The following MCM3AP variants were observed in gnomAD, a reference collection of about 807,000 sequenced individuals.
The protein encoded by MCM3AP is minichromosome maintenance complex component 3 associated protein.
In MCM3AP, 126 loss-of-function variants were observed where a neutral mutation model predicts 184.1. The observed-to-expected ratio is 0.68, with a 90% confidence interval of 0.59 to 0.79. MCM3AP has a LOEUF of 0.79. Among genes scored for constraint, MCM3AP ranks in the 30% least tolerant of loss-of-function variants. The probability of loss-of-function intolerance (pLI) is 0.00; values close to 1 mark genes in which losing one functional copy is unlikely to be tolerated. For synonymous variants in MCM3AP, 1,002 were observed against 979.3 expected (o/e 1.02, Z -0.43); for missense variants, 2,496 against 2,479.2 (o/e 1.01, Z -0.14).
At chr21:46,247,070 A>C in intron 20 of MCM3AP, 184 bp from the exon 21 acceptor site, 1 of 568,616 alleles carries the variant, frequency 1.8e-6, no homozygotes, top group Non-Finnish European at 3.1e-6. Flanking sequence ...AGTTATTTTA[A>C]TTCCTGGCCC....
rs770570276 is a variant in MCM3AP at position 46,285,106 on chromosome 21, A to G, written c.181T>C (p.Ser61Pro). 1 of 1,614,226 alleles carries G rather than the reference A, an allele frequency of 6.2e-7. No individual in the cohort carries two copies. Among genetic ancestry groups the G allele is most frequent in the Non-Finnish European group, 8.5e-7 (1 of 1,180,034 alleles). ...GAAGAGGAATGACTTACTCCAGAAG[A>G]CGCTGGAAAGCTGGATACCTGTGAA... ...GFSQVSSFPA[S>P]SGVSHSSSVQ... is the part of the protein sequence containing the mutation. The change falls in exon 1 of 28, where the codon TCT (serine) becomes CCT (proline). Residue 61 changes from serine (S) to proline (P), a missense_variant. Physicochemically the swap from Ser to Pro is moderately conservative, Grantham distance 74. Around this residue, in one of 5 missense-constraint regions of MCM3AP, gnomAD observed 800 missense variants for 717.1 expected, o/e 1.12. Coordinates refer to ENST00000291688, the MANE Select transcript of MCM3AP (RefSeq NM_003906.5).
Position 46,246,636 on chromosome 21 carries a change from ACTTC to A in MCM3AP, c.4537_4540del (p.Glu1513Ter). The A allele has an allele frequency of 6.2e-7, 1 of 1,610,474 alleles. No homozygotes were observed. Among genetic ancestry groups the A allele is most frequent in the Non-Finnish European group, 8.5e-7 (1 of 1,176,864 alleles). On this transcript the variant is annotated frameshift_variant, in exon 21 of 28. Transcript: ENST00000291688. LOFTEE classifies it high-confidence loss of function. ...AGACTTCCTTCACAAACCATCTTCT[ACTTC>A]CTTCTCAACGGCGTCCCCTCCTGGG...
intron 4 of MCM3AP, among the ~76,000 whole-genome samples, chr21:46,278,087 G>T (rs2145709898): frequency 6.6e-6 from 1 of 151,978 alleles, no homozygotes; most frequent in East Asian, 1.9e-4. Context: ...GCAGGCAGAG[G>T]TTGCAGTGAG....
At chr21:46,250,838 G>A (rs2080856893) in intron 20 of MCM3AP, 1 of 152,248 alleles carries the variant, frequency 6.6e-6, no homozygotes, top group East Asian at 1.9e-4. Flanking sequence ...GGAGTAATTA[G>A]TTATTTAGGA....
At chr21:46,279,370 T>C (rs2145713698) in intron 4 of MCM3AP, among the ~76,000 whole-genome samples, 1 of 152,324 alleles carries the variant, frequency 6.6e-6, no homozygotes, top group Admixed American at 6.5e-5. Context: ...ATATGTCAAG[T>C]GGAACTGCAC....
At chr21:46,283,324 T>G (rs1240839878) in intron 2 of MCM3AP, among the ~76,000 whole-genome samples, 1 of 152,236 alleles carries the variant, frequency 6.6e-6, no homozygotes, top group Non-Finnish European at 1.5e-5. Context: ...CCAAAAGTAC[T>G]ATGTGGTTAG....
chr21:46,238,083 G>A (rs139467457), intron 26 of MCM3AP, among the ~76,000 whole-genome samples: 1,449 of 81,412 alleles, frequency 0.018, 357 homozygotes, highest in African/African-American at 0.074. Context: ...AGGGCAACAA[G>A]AGCAAAACTC....
At chr21:46,270,213 G>T in intron 9 of MCM3AP, 188 bp downstream of exon 9, 1 of 496,608 alleles carries the variant, frequency 2.0e-6, no homozygotes, top group Non-Finnish European at 3.5e-6. Context: ...AGCCTTTCCG[G>T]ATGGTGACCA....
Position 46,279,752 on chromosome 21 carries a change from T to TA in MCM3AP, c.1667+240dup, listed in dbSNP as rs143538199. Among the ~76,000 whole-genome samples, 261 of 152,306 alleles carry TA rather than the reference T, an allele frequency of 1.7e-3. 3 individuals carry two copies. In the East Asian group the frequency reaches 0.044, roughly 26 times the overall value. ...CTCCACCATCTCTGCAGCTGGCAGTTACCAGTGTCAGAAAATTCTCTCTTC... is the reference window on the plus strand; with the variant it reads ...CTCCACCATCTCTGCAGCTGGCAGTTAACCAGTGTCAGAAAATTCTCTCTTC... On this transcript the variant is annotated intron_variant, in intron 4 of 27. Coordinates refer to ENST00000291688, the MANE Select transcript of MCM3AP (RefSeq NM_003906.5).
intron 19 of MCM3AP, chr21:46,252,338 C>G (rs1288454733): frequency 6.6e-6 from 1 of 152,150 alleles, no homozygotes; most frequent in African/African-American, 2.4e-5. Context: ...ATACCTGAGA[C>G]CTTAAGAATT....
chr21:46,251,033 T>G (rs1219859322), intron 20 of MCM3AP: 2 of 152,262 alleles, frequency 1.3e-5, no homozygotes, highest in Non-Finnish European at 2.9e-5. Context: ...GTGGCATTAT[T>G]TGACTTCTTT....
Position 46,284,884 on chromosome 21 carries a change from C to CT in MCM3AP, c.402dup (p.Val135SerfsTer13). ...TCTGTTTTCCCAAAACCAGAGTTCA[C>CT]TATTTCTCCAGCTTCTTGTCCAAAA... is the stretch of plus-strand genomic sequence containing the variant. On this transcript the variant is annotated frameshift_variant, in exon 1 of 28. Coordinates refer to ENST00000291688, the MANE Select transcript of MCM3AP (RefSeq NM_003906.5). LOFTEE classifies it high-confidence loss of function. The CT allele has an allele frequency of 1.2e-6, 2 of 1,614,090 alleles. No homozygotes were observed. The highest frequency in any genetic ancestry group is 1.7e-6 in the Non-Finnish European group (2 of 1,180,052).
chr21:46,251,293 A>T (rs894117116), intron 20 of MCM3AP: 11 of 373,846 alleles, frequency 2.9e-5, no homozygotes, highest in African/African-American at 2.2e-4. Flanking sequence ...AATATATAGT[A>T]TTAAAACAGA....
intron 24 of MCM3AP, 21 bp from the exon 25 acceptor site, chr21:46,242,952 CAG>C: frequency 6.5e-7 from 1 of 1,549,646 alleles, no homozygotes; most frequent in Non-Finnish European, 8.7e-7. Flanking sequence ...AATACAAAAA[CAG>C]ATAAAGAGGC....
In MCM3AP at chr21:46,243,838, C is replaced by T. The variant is rs1290842739; in HGVS notation, c.5039-116G>A. On this transcript the variant is annotated intron_variant, in intron 23 of 27. Transcript: ENST00000291688. ...GAAGTTGAGAAGTCTGCTTTCTAAA[C>T]ACAGCAGAACCACAGTTGTTGAGGG... 44 of 1,014,914 alleles carry T rather than the reference C, an allele frequency of 4.3e-5. No individual in the cohort carries two copies. The East Asian group carries it at 1.1e-3, about 24-fold the overall frequency. 62.9% of individuals were successfully genotyped at this position (1,014,914 alleles called of 1,614,324 possible).
intron 20 of MCM3AP, among the ~76,000 whole-genome samples, chr21:46,248,143 T>C (rs570384498): frequency 3.3e-5 from 5 of 152,154 alleles, no homozygotes; most frequent in Admixed American, 6.5e-5. Context: ...GCAAAAGCCC[T>C]GTATACCCAG....
intron 4 of MCM3AP, 56 bp downstream of exon 4, chr21:46,279,937 A>G (rs1466548619): frequency 1.9e-6 from 3 of 1,544,706 alleles, no homozygotes; most frequent in Non-Finnish European, 2.6e-6. Flanking sequence ...GTGTCGCTAT[A>G]GGGCGCTATT....
At position 46,275,016 on chromosome 21, in the gene MCM3AP, G is replaced by C. The variant is rs186835498; in HGVS notation, c.1998+170C>G. ...TTGCATCTATACCTTATCATGTATA[G>C]GTACCAATTACAGAGTGAACATCTC... On this transcript the variant is annotated intron_variant, in intron 6 of 27. Transcript: ENST00000291688. Among the ~76,000 whole-genome samples the C allele has an allele frequency of 2.0e-5, 3 of 151,308 alleles. 1 individual carries two copies. Among genetic ancestry groups the C allele is most frequent in the African/African-American group, 7.3e-5 (3 of 41,150 alleles).
At position 46,283,798 on chromosome 21, in the gene MCM3AP, G is replaced by A. The variant is rs755382649; in HGVS notation, c.1260C>T (p.Ser420=). The change falls in exon 2 of 28, where the codon AGC becomes AGT. Residue 420 remains serine (S), a synonymous_variant. Coordinates refer to ENST00000291688, the MANE Select transcript of MCM3AP (RefSeq NM_003906.5). ...RGTPARQSNR[S]ESTDSLGGLS... is the part of the protein sequence containing the mutation. ...AGCCCCCAAGACTGTCTGTGCTCTC[G>A]CTTCTGTTACTCTGACGCGCCGGAG... 37 of 1,613,910 alleles carry A rather than the reference G, an allele frequency of 2.3e-5. No individual in the cohort carries two copies. The South Asian group carries it at 3.4e-4, about 15-fold the overall frequency.
Sources: gnomAD v4.1 joint callset for allele counts (sites outside exome capture counted in the v4.1 genomes callset) on GRCh38, gnomAD v4.1.1 for gene constraint, gnomAD v4.1.1 regional missense constraint, MANE v1.5 for transcripts, NCBI Gene and HGNC (gene_info 2026-07-23, HGNC 2026-07-21) for gene names.